The following TMC2 variants were observed in gnomAD, a reference collection of about 807,000 sequenced individuals.
The protein encoded by TMC2 is transmembrane channel-like protein 2.
Under a neutral mutation model 105.9 loss-of-function variants are expected in TMC2, and 102 were observed. The observed-to-expected ratio is 0.96, with a 90% confidence interval of 0.82 to 1.14. The LOEUF (loss-of-function observed/expected upper bound fraction) is 1.14, where lower values mean the gene tolerates loss of function less well. Among genes scored for constraint, TMC2 ranks in the 50% most tolerant of loss-of-function variants. TMC2 has a pLI of 0.00. For synonymous variants in TMC2, 402 were observed against 422.8 expected, an observed-to-expected ratio of 0.95 and a Z score of 0.60; for missense variants, 1,093 against 1,134.3, an observed-to-expected ratio of 0.96 and a Z score of 0.52.
chr20:2,582,052 G>A (rs2146201048), intron 7 of TMC2, among the ~76,000 whole-genome samples: 1 of 152,204 alleles, frequency 6.6e-6, no homozygotes, highest in Middle Eastern at 3.4e-3. Flanking sequence ...AGGGAAATAG[G>A]GGAGAAGGGA....
chr20:2,599,539 A>ATTTTCTTTTTTTTTTTTTTTTTTTTTT, intron 10 of TMC2, among the ~76,000 whole-genome samples: 1 of 85,512 alleles, frequency 1.2e-5, no homozygotes, highest in Middle Eastern at 9.4e-3. Flanking sequence ...CTTTAATTAC[A>ATTTTCTTTTTTTTTTTTTTTTTTTTTT]TTTTTTTTTT....
intron 4 of TMC2, among the ~76,000 whole-genome samples, chr20:2,571,092 A>C (rs947913957): frequency 3.3e-5 from 5 of 152,234 alleles, no homozygotes; most frequent in Non-Finnish European, 4.4e-5. Context: ...TGGCCTTGGG[A>C]AAGAATTTAC....
intron 11 of TMC2, among the ~76,000 whole-genome samples, chr20:2,607,293 C>T (rs939515714): frequency 3.9e-5 from 6 of 152,138 alleles, no homozygotes; most frequent in Non-Finnish European, 7.3e-5. Context: ...GAGAGAGCTC[C>T]TGCCTCTCAT....
chr20:2,560,223 A>T (rs537122992), intron 3 of TMC2, among the ~76,000 whole-genome samples: 126 of 151,884 alleles, frequency 8.3e-4, no homozygotes, highest in Non-Finnish European at 1.5e-3. Flanking sequence ...CTACGCAGAG[A>T]CTCAAAGGCA....
chr20:2,594,780 C>G, intron 8 of TMC2, 45 bp from the exon 9 acceptor site: 1 of 1,601,664 alleles, frequency 6.2e-7, no homozygotes, highest in Non-Finnish European at 8.5e-7. Context: ...TAACCACCAG[C>G]TCTGAGCTTA....
chr20:2,641,396 G>A lies in TMC2; in HGVS notation c.*45G>A. On this transcript the variant is annotated 3_prime_UTR_variant, in exon 20 of 20. Transcript: ENST00000358864. ...CCTCGACCCTAGGGCTGATCCTCAAGTACCCCAGTTTCACACATACCAAAC... is the reference window on the plus strand; with the variant it reads ...CCTCGACCCTAGGGCTGATCCTCAAATACCCCAGTTTCACACATACCAAAC... 1 of 1,317,280 alleles carries A rather than the reference G, an allele frequency of 7.6e-7. No individual in the cohort carries two copies. The highest frequency in any genetic ancestry group is 2.4e-5 in the East Asian group (1 of 41,414). 81.6% of individuals were successfully genotyped at this position (1,317,280 alleles called of 1,614,324 possible). A position where few individuals can be genotyped will look rare whatever the true frequency, so the allele number is the denominator to read the frequency against.
At chr20:2,585,928 T>C (rs1243703558) in intron 7 of TMC2, among the ~76,000 whole-genome samples, 1 of 152,172 alleles carries the variant, frequency 6.6e-6, no homozygotes, top group Non-Finnish European at 1.5e-5. Flanking sequence ...TATTCCTTAG[T>C]AGTGAGTCAC....
At chr20:2,549,374 A>G (rs1461295317) in intron 2 of TMC2, among the ~76,000 whole-genome samples, 3 of 152,170 alleles carry the variant, frequency 2.0e-5, no homozygotes, top group African/African-American at 7.2e-5. Flanking sequence ...TAATATCTTA[A>G]TTCAGCCAAT....
rs968875420 is a variant in TMC2 at position 2,604,379 on chromosome 20, A to G, written c.1413+2078A>G. ...TTATATACATGCTTATCACTTTGAGAGAGGGCGGAACAATTTCACTATGGG... is the reference window on the plus strand; with the variant it reads ...TTATATACATGCTTATCACTTTGAGGGAGGGCGGAACAATTTCACTATGGG... On this transcript the variant is annotated intron_variant, in intron 11 of 19. Transcript: ENST00000358864. Among the ~76,000 whole-genome samples, 6 of 152,196 alleles carry G rather than the reference A, an allele frequency of 3.9e-5. No homozygotes were observed. In the East Asian group the frequency reaches 1.2e-3, roughly 29 times the overall value.
intron 17 of TMC2, among the ~76,000 whole-genome samples, chr20:2,627,767 C>G (rs949429323): frequency 6.6e-6 from 1 of 152,148 alleles, no homozygotes; most frequent in Non-Finnish European, 1.5e-5. Context: ...GTCCCTTAGT[C>G]AAGACCAGAA....
At chr20:2,601,792 T>C (rs1219605117) in intron 10 of TMC2, among the ~76,000 whole-genome samples, 1 of 151,892 alleles carries the variant, frequency 6.6e-6, no homozygotes, top group African/African-American at 2.4e-5. Flanking sequence ...GATTGCACCA[T>C]TGCACCCCAG....
chr20:2,542,813 T>C (rs1267256271), intron 2 of TMC2, among the ~76,000 whole-genome samples: 1 of 151,604 alleles, frequency 6.6e-6, no homozygotes, highest in South Asian at 2.1e-4. Flanking sequence ...TGTCTCAGCC[T>C]CCCGAGTAGC....
intron 2 of TMC2, among the ~76,000 whole-genome samples, chr20:2,542,725 G>A (rs142548686): frequency 2.2e-5 from 3 of 137,808 alleles, no homozygotes; most frequent in African/African-American, 5.4e-5. Flanking sequence ...ACAGAGTCTC[G>A]CTCTGTCACC....
intron 12 of TMC2, 114 bp downstream of exon 12, chr20:2,610,712 TAAG>T (rs1459113259): frequency 1.6e-6 from 1 of 620,280 alleles, no homozygotes; most frequent in Non-Finnish European, 2.2e-6. Context: ...AAATGTAAAT[TAAG>T]AAAAATAAAA....
chr20:2,558,709 A>G lies in TMC2; in HGVS notation c.336A>G (p.Ala112=). The part of the protein sequence containing the change: ...DERASFQERT[A]APKREKEIPR... ...GGGCCTCCTTCCAGGAGCGGACAGC[A>G]GCCCCAAAGAGGGAAAAGGAGATTC... Residue 112 remains alanine, a synonymous_variant, in exon 3 of 20, where the codon GCA becomes GCG. Coordinates refer to ENST00000358864, the MANE Select transcript of TMC2 (RefSeq NM_080751.3). The surrounding 1 kb of genome is among the most constrained non-coding windows in gnomAD (Gnocchi z 4.6). 1 of 1,600,942 alleles carries G rather than the reference A, an allele frequency of 6.2e-7. No homozygotes were observed. Among genetic ancestry groups the G allele is most frequent in the Non-Finnish European group, 8.5e-7 (1 of 1,174,000 alleles).
At chr20:2,559,064 G>C (rs2086006604) in intron 3 of TMC2, among the ~76,000 whole-genome samples, 1 of 152,110 alleles carries the variant, frequency 6.6e-6, no homozygotes. Flanking sequence ...AGAGGTGGCG[G>C]GGCGCGGGTG....
At chr20:2,597,509 C>T (rs527339661) in intron 10 of TMC2, among the ~76,000 whole-genome samples, 1 of 152,228 alleles carries the variant, frequency 6.6e-6, no homozygotes, top group Non-Finnish European at 1.5e-5. Context: ...CTTTTTGAGA[C>T]AGCATCTCTC....
intron 11 of TMC2, among the ~76,000 whole-genome samples, chr20:2,607,496 C>A (rs936922699): frequency 6.6e-6 from 1 of 152,198 alleles, no homozygotes; most frequent in Non-Finnish European, 1.5e-5. Flanking sequence ...CCAAGAATGA[C>A]CTTGCACTCA....
In TMC2 at chr20:2,542,959, A is replaced by G. The variant is rs1388587784; in HGVS notation, c.82+5643A>G. ...TCTTTTTAAAACAAAATACAAGGCCAGGCATGGTGGCACACACCTGTAATC... is the reference window on the plus strand; with the variant it reads ...TCTTTTTAAAACAAAATACAAGGCCGGGCATGGTGGCACACACCTGTAATC... On this transcript the variant is annotated intron_variant, in intron 2 of 19. Transcript: ENST00000358864. Among the ~76,000 whole-genome samples the G allele has an allele frequency of 6.6e-5, 10 of 152,186 alleles. No individual in the cohort carries two copies. In the South Asian group the frequency reaches 2.1e-3, roughly 32 times the overall value.
Sources: gnomAD v4.1 joint callset for allele counts (sites outside exome capture counted in the v4.1 genomes callset) on GRCh38, gnomAD v4.1.1 for gene constraint, Gnocchi (gnomAD v3.1) non-coding constraint, MANE v1.5 for transcripts, NCBI Gene and HGNC (gene_info 2026-07-23, HGNC 2026-07-21) for gene names.